The following MARCHF1 variants were observed in gnomAD, a reference collection of about 807,000 sequenced individuals.
The protein encoded by MARCHF1 is E3 ubiquitin-protein ligase MARCHF1.
Under a neutral mutation model 54.2 loss-of-function variants are expected in MARCHF1, and 40 were observed. The ratio of observed to expected loss-of-function variants is 0.74; its 90% CI spans 0.57 to 0.96. The LOEUF is 0.96. MARCHF1 is among the 40% of genes least tolerant of loss of function. MARCHF1 has a pLI of 0.00. For missense variants in MARCHF1, 586 were observed against 656.5 expected, an observed-to-expected ratio of 0.89 and a Z score of 1.17; for synonymous variants, 236 against 236.3, an observed-to-expected ratio of 1.00 and a Z score of 0.01.
intron 3 of MARCHF1, among the ~76,000 whole-genome samples, chr4:163,927,426 C>A (rs948337929): frequency 1.3e-5 from 2 of 151,666 alleles, no homozygotes; most frequent in Non-Finnish European, 3.0e-5. Context: ...ATTCAGCAAA[C>A]AAACACTTTC....
intron 4 of MARCHF1, among the ~76,000 whole-genome samples, chr4:163,783,989 G>A (rs1554013316): frequency 6.6e-6 from 1 of 152,090 alleles, no homozygotes; most frequent in Non-Finnish European, 1.5e-5. Flanking sequence ...AGTTTGCAGT[G>A]TCTGCTTGCT....
At chr4:163,894,958 T>C (rs1276337008) in intron 3 of MARCHF1, among the ~76,000 whole-genome samples, 1 of 145,042 alleles carries the variant, frequency 6.9e-6, no homozygotes, top group African/African-American at 2.6e-5. Flanking sequence ...GTGATGCATA[T>C]ATATATATGC....
chr4:164,150,999 T>C (rs908294854), intron 1 of MARCHF1, among the ~76,000 whole-genome samples: 4 of 152,108 alleles, frequency 2.6e-5, no homozygotes, highest in Non-Finnish European at 5.9e-5. Flanking sequence ...CGACTGGCCA[T>C]TGCTGGCTTG....
At chr4:164,333,995 C>G (rs928872431) in intron 1 of MARCHF1, among the ~76,000 whole-genome samples, 1 of 152,144 alleles carries the variant, frequency 6.6e-6, no homozygotes, top group Non-Finnish European at 1.5e-5. Context: ...GGCCCTGATT[C>G]TCTCCAATTC....
At chr4:164,199,702 AGAGAGAGAGAAG>A (rs1318729900) in intron 1 of MARCHF1, among the ~76,000 whole-genome samples, 8 of 147,288 alleles carry the variant, frequency 5.4e-5, no homozygotes, top group African/African-American at 2.0e-4. Context: ...AGAGAGAGAG[AGAGAGAGAGAAG>A]AGAGGAGAAG....
At chr4:164,222,096 A>G (rs2111154439) in intron 1 of MARCHF1, among the ~76,000 whole-genome samples, 1 of 152,164 alleles carries the variant, frequency 6.6e-6, no homozygotes, top group African/African-American at 2.4e-5. Flanking sequence ...AGAAGAATGG[A>G]AATTTTTTCT....
chr4:163,818,545 C>T (rs1186821640), intron 4 of MARCHF1, among the ~76,000 whole-genome samples: 1 of 152,064 alleles, frequency 6.6e-6, no homozygotes, highest in Non-Finnish European at 1.5e-5. Flanking sequence ...ATCTCTTTAT[C>T]ATTTCAAAAC....
chr4:163,814,627 A>G (rs946213139), intron 4 of MARCHF1, among the ~76,000 whole-genome samples: 6 of 152,176 alleles, frequency 3.9e-5, no homozygotes, highest in African/African-American at 1.4e-4. Flanking sequence ...GTAACATATG[A>G]TTTAGGGTGA....
rs575707342 is a variant in MARCHF1 at position 163,612,666 on chromosome 4, G to T, written c.615C>A (p.Asn205Lys). 11 of 1,535,370 alleles carry T rather than the reference G, an allele frequency of 7.2e-6. No individual in the cohort carries two copies. Among genetic ancestry groups the T allele is most frequent in the Admixed American group, 2.0e-5 (1 of 50,938 alleles). Residue 205 changes from asparagine (N) to lysine (K), a missense_variant, in exon 7 of 10, where the codon AAC becomes AAA. By Grantham distance (94) the Asn-to-Lys change is moderately conservative. Coordinates refer to ENST00000514618, the MANE Select transcript of MARCHF1 (RefSeq NM_001394959.1). ...ATCCCAGATCAACGAGCTCAATTCCGTTAGGAGTGGAAGACCCAGCTAAGT... is the reference window on the plus strand; with the variant it reads ...ATCCCAGATCAACGAGCTCAATTCCTTTAGGAGTGGAAGACCCAGCTAAGT... ...CENLAGSSTP[N>K]GIELVDLGSK...
intron 2 of MARCHF1, among the ~76,000 whole-genome samples, chr4:164,017,006 C>A (rs536407392): frequency 2.2e-4 from 33 of 151,820 alleles, no homozygotes; most frequent in Non-Finnish European, 4.0e-4. Context: ...CAAAATATTT[C>A]AAATAATTTT....
chr4:163,933,326 G>T, intron 3 of MARCHF1: 1 of 536,792 alleles, frequency 1.9e-6, no homozygotes, highest in South Asian at 1.7e-5. Context: ...ATTCCACTTG[G>T]ATTTCCTATA....
At chr4:163,661,752 C>A (rs1016419445) in intron 5 of MARCHF1, among the ~76,000 whole-genome samples, 1 of 152,030 alleles carries the variant, frequency 6.6e-6, no homozygotes, top group African/African-American at 2.4e-5. Flanking sequence ...TATTTTCTTG[C>A]CCATGCAGTG....
chr4:164,181,345 A>G (rs751244881), intron 1 of MARCHF1, among the ~76,000 whole-genome samples: 1 of 152,172 alleles, frequency 6.6e-6, no homozygotes, highest in Non-Finnish European at 1.5e-5. Flanking sequence ...CACAAGACAC[A>G]CACAATCATA....
intron 5 of MARCHF1, among the ~76,000 whole-genome samples, chr4:163,634,038 G>C (rs1742212942): frequency 6.6e-6 from 1 of 152,104 alleles, no homozygotes; most frequent in African/African-American, 2.4e-5. Context: ...TTACAGACAA[G>C]CAAATGCTGA....
At chr4:164,300,176 T>G (rs1390430431) in intron 1 of MARCHF1, among the ~76,000 whole-genome samples, 1 of 152,154 alleles carries the variant, frequency 6.6e-6, no homozygotes, top group Non-Finnish European at 1.5e-5. Flanking sequence ...CTTCCATCAC[T>G]GTAGAACATC....
intron 3 of MARCHF1, among the ~76,000 whole-genome samples, chr4:163,968,726 C>T (rs1452143082): frequency 6.6e-6 from 1 of 152,090 alleles, no homozygotes; most frequent in African/African-American, 2.4e-5. Flanking sequence ...CACCCATATC[C>T]TAATACTTGG....
intron 1 of MARCHF1, among the ~76,000 whole-genome samples, chr4:164,213,520 C>A (rs2111125938): frequency 6.6e-6 from 1 of 152,002 alleles, no homozygotes; most frequent in East Asian, 1.9e-4. Flanking sequence ...CAGGCGTGAG[C>A]CATCACGCCT....
At chr4:164,158,660 A>C (rs1730149409) in intron 1 of MARCHF1, among the ~76,000 whole-genome samples, 1 of 152,158 alleles carries the variant, frequency 6.6e-6, no homozygotes. Flanking sequence ...ATAATAAATT[A>C]AAAATAAATA....
At chr4:164,329,546 T>C (rs1028367039) in intron 1 of MARCHF1, among the ~76,000 whole-genome samples, 1 of 152,238 alleles carries the variant, frequency 6.6e-6, no homozygotes, top group African/African-American at 2.4e-5. Flanking sequence ...TAGGCCATTC[T>C]TGCATTGCTA....
Sources: allele counts gnomAD v4.1 joint callset (sites outside exome capture counted in the v4.1 genomes callset), GRCh38; gene constraint gnomAD v4.1.1; transcripts MANE v1.5; gene names NCBI Gene and HGNC (gene_info 2026-07-23, HGNC 2026-07-21).